Variants in VAV2 observed in about 807,000 individuals in gnomAD.
VAV2 encodes the protein vav guanine nucleotide exchange factor 2.
A neutral mutation model predicts 132.5 loss-of-function variants in VAV2; 67 were observed. The observed-to-expected ratio is 0.51, with a 90% confidence interval of 0.42 to 0.62. The LOEUF is 0.62. Among genes scored for constraint, VAV2 ranks in the 20% least tolerant of loss-of-function variants. The probability of loss-of-function intolerance (pLI) is 0.00; values close to 1 mark genes in which losing one functional copy is unlikely to be tolerated. For missense variants in VAV2, 938 were observed against 1,153.6 expected, an observed-to-expected ratio of 0.81 and a Z score of 2.71; for synonymous variants, 492 against 443.5, an observed-to-expected ratio of 1.11 and a Z score of -1.37.
At chr9:133,986,118 C>T (rs77901135) in intron 1 of VAV2, among the ~76,000 whole-genome samples, 6,154 of 152,248 alleles carry the variant, frequency 0.04, 297 homozygotes, top group African/African-American at 0.12. Flanking sequence ...TAACAGCAAA[C>T]GGAAACCAAG....
At chr9:133,845,546 C>A (rs1034849717) in intron 3 of VAV2, among the ~76,000 whole-genome samples, 2 of 150,874 alleles carry the variant, frequency 1.3e-5, no homozygotes, top group African/African-American at 5.0e-5. Context: ...CTTCCCCCTC[C>A]CTGCACTTCC....
chr9:133,893,472 G>A (rs534994436), intron 2 of VAV2, among the ~76,000 whole-genome samples: 18 of 152,312 alleles, frequency 1.2e-4, no homozygotes, highest in African/African-American at 4.3e-4. Context: ...GGTGGCAAGG[G>A]ACCTGCCCCG....
At chr9:133,960,438 T>G (rs150057801) in intron 1 of VAV2, among the ~76,000 whole-genome samples, 170 of 152,288 alleles carry the variant, frequency 1.1e-3, no homozygotes, top group African/African-American at 3.8e-3. Flanking sequence ...CCCTGCAGGC[T>G]GACCCTGAGT....
In VAV2 at chr9:133,805,972, C is replaced by T. The variant is rs1377604449; in HGVS notation, c.836+109G>A. On this transcript the variant is annotated intron_variant, in intron 9 of 29. Coordinates refer to ENST00000371850, the MANE Select transcript of VAV2 (RefSeq NM_001134398.2). ...AGGACGGGGTCCAGAGGGGGCGGCC[C>T]CTGCCTCGGGACACCCCAAGAGTCC... 2.4e-6 allele frequency: 3 copies of T among 1,228,796 alleles called. No individual in the cohort carries two copies. The East Asian group carries it at 7.6e-5, about 31-fold the overall frequency. The allele number at this position is 1,228,796 out of a possible 1,614,324, so 76.1% of individuals were successfully genotyped here. A position where few individuals can be genotyped will look rare whatever the true frequency, so the allele number is the denominator to read the frequency against.
intron 2 of VAV2, among the ~76,000 whole-genome samples, chr9:133,915,435 G>A (rs968132785): frequency 1.3e-5 from 2 of 152,220 alleles, no homozygotes; most frequent in Admixed American, 6.5e-5. Flanking sequence ...GAGCACAGGT[G>A]GTGCAATGAG....
At chr9:133,902,382 T>C (rs1192237544) in intron 2 of VAV2, among the ~76,000 whole-genome samples, 1 of 152,180 alleles carries the variant, frequency 6.6e-6, no homozygotes, top group Non-Finnish European at 1.5e-5. Flanking sequence ...GGCTGCGGCC[T>C]TGGGGCTACC....
intron 2 of VAV2, among the ~76,000 whole-genome samples, chr9:133,911,600 C>T (rs59027489): frequency 0.043 from 6,559 of 152,298 alleles, 422 homozygotes; most frequent in African/African-American, 0.14. Context: ...GGTGACCCCC[C>T]ACTGTATGGC....
At chr9:133,931,483 CT>C (rs112992599) in intron 2 of VAV2, among the ~76,000 whole-genome samples, 6 of 32,424 alleles carry the variant, frequency 1.9e-4, no homozygotes, top group Non-Finnish European at 5.4e-4. Flanking sequence ...CCCCTCCTTT[CT>C]TCCCTCCCTT....
intron 13 of VAV2, among the ~76,000 whole-genome samples, chr9:133,789,943 C>G (rs113153401): frequency 2.1e-3 from 321 of 152,368 alleles, no homozygotes; most frequent in African/African-American, 6.7e-3. Context: ...CTTCAAGACA[C>G]GAACAGGGCC....
chr9:133,787,139 T>C lies in VAV2; in HGVS notation c.1422+107A>G, dbSNP rs947725557. Reference sequence around the variant, plus strand: ...GGAGGACGAAGGACCAAGAAAACCCTGAGCCCAGCCCCTCAGGCCCCTGGG... The same window carrying C: ...GGAGGACGAAGGACCAAGAAAACCCCGAGCCCAGCCCCTCAGGCCCCTGGG... On this transcript the variant is annotated intron_variant, in intron 16 of 29. Transcript: ENST00000371850. The C allele has an allele frequency of 7.0e-6, 9 of 1,294,180 alleles. No individual in the cohort carries two copies. In the African/African-American group the frequency reaches 1.0e-4, roughly 15 times the overall value. 80.2% of individuals were successfully genotyped at this position (1,294,180 alleles called of 1,614,324 possible).
rs1003364382 is a variant in VAV2 at position 133,811,696 on chromosome 9, A to G, written c.552+418T>C. Among the ~76,000 whole-genome samples the G allele has an allele frequency of 2.6e-5, 4 of 152,194 alleles. No individual in the cohort carries two copies. The East Asian group carries it at 7.7e-4, about 29-fold the overall frequency. Reference sequence around the variant, plus strand: ...GCCAATATTGGTCTCATCATTCTCCACACAAAGGGGGAAAATGACGCGTGC... The same window carrying G: ...GCCAATATTGGTCTCATCATTCTCCGCACAAAGGGGGAAAATGACGCGTGC... On this transcript the variant is annotated intron_variant, in intron 5 of 29. Transcript: ENST00000371850.
chr9:133,885,174 C>T lies in VAV2; in HGVS notation c.322-23742G>A, dbSNP rs1838653179. Among the ~76,000 whole-genome samples the T allele has an allele frequency of 6.6e-6, 1 of 152,214 alleles. No individual in the cohort carries two copies. On this transcript the variant is annotated intron_variant, in intron 2 of 29. Transcript: ENST00000371850. The surrounding 1 kb of genome is among the most constrained non-coding windows in gnomAD (Gnocchi z 5.0). ...TCTGAACCAGTGACTTCATTTGCTC[C>T]AGTGTCCTGCGATTGATTCTTCTGA...
intron 9 of VAV2, 140 bp downstream of exon 9, chr9:133,805,941 C>A: frequency 1.1e-6 from 1 of 908,508 alleles, no homozygotes; most frequent in South Asian, 1.7e-5. Flanking sequence ...GCATCCTCAA[C>A]AAGGGAGGAC....
intron 2 of VAV2, among the ~76,000 whole-genome samples, chr9:133,911,573 G>A (rs974087676): frequency 1.3e-5 from 2 of 152,190 alleles, no homozygotes; most frequent in African/African-American, 4.8e-5. Flanking sequence ...GCCCCAAAAT[G>A]TTTTCTAGTG....
chr9:133,910,593 G>A (rs1463939964), intron 2 of VAV2, among the ~76,000 whole-genome samples: 1 of 150,774 alleles, frequency 6.6e-6, no homozygotes, highest in African/African-American at 2.4e-5. Context: ...GGCGGATCAC[G>A]AGGTCAGGAG....
intron 24 of VAV2, among the ~76,000 whole-genome samples, chr9:133,775,335 A>T (rs1201863116): frequency 6.6e-6 from 1 of 152,222 alleles, no homozygotes; most frequent in Non-Finnish European, 1.5e-5. Flanking sequence ...CCAGTCCCAC[A>T]TGCTGTCTTC....
chr9:133,954,523 G>A (rs958740971), intron 1 of VAV2, among the ~76,000 whole-genome samples: 8 of 152,394 alleles, frequency 5.2e-5, no homozygotes, highest in African/African-American at 9.6e-5. Context: ...CACGCCTGAA[G>A]GCTTCCGGAG....
intron 2 of VAV2, among the ~76,000 whole-genome samples, chr9:133,914,748 AGGGGAGAGGAGAGG>A (rs1840004761): frequency 2.2e-3 from 4 of 1,860 alleles, no homozygotes; most frequent in Admixed American, 7.6e-3. Context: ...AGGGAAGGGG[AGGGGAGAGGAGAGG>A]AGGGGAGGAG....
intron 1 of VAV2, among the ~76,000 whole-genome samples, chr9:133,976,033 TAA>T (rs556066186): frequency 0.23 from 31,730 of 136,932 alleles, 4,397 homozygotes; most frequent in East Asian, 0.54. Context: ...CCATCTCTAC[TAA>T]AAAAAAAAAG....
Sources: allele counts gnomAD v4.1 joint callset (sites outside exome capture counted in the v4.1 genomes callset), GRCh38; gene constraint gnomAD v4.1.1; non-coding constraint Gnocchi (gnomAD v3.1); transcripts MANE v1.5; gene names NCBI Gene and HGNC (gene_info 2026-07-23, HGNC 2026-07-21).